Variants in AP3B1 observed in about 807,000 individuals in gnomAD.
AP3B1 encodes adaptor related protein complex 3 subunit beta 1, also known as AP-3 complex subunit beta-1.
In AP3B1, 61 loss-of-function variants were observed where a neutral mutation model predicts 132.5. The observed-to-expected ratio is 0.46, with a 90% CI of 0.37 to 0.57. The LOEUF (loss-of-function observed/expected upper bound fraction) is 0.57. Ranked by LOEUF, AP3B1 falls within the 20% of genes least tolerant of loss-of-function variation. AP3B1 has a pLI of 0.00. For synonymous variants in AP3B1, 388 were observed against 438.3 expected (o/e 0.89, Z 1.43); for missense variants, 1,120 against 1,289.4 (o/e 0.87, Z 2.01).
chr5:78,068,603 G>A (rs1749395018), intron 22 of AP3B1, among the ~76,000 whole-genome samples: 1 of 152,142 alleles, frequency 6.6e-6, no homozygotes, highest in African/African-American at 2.4e-5. Context: ...AATTGAGGCA[G>A]TAATAAATAG....
chr5:78,041,419 T>G (rs559137855), intron 22 of AP3B1, among the ~76,000 whole-genome samples: 1 of 151,808 alleles, frequency 6.6e-6, no homozygotes, highest in Admixed American at 6.6e-5. Flanking sequence ...ATTAGCTGGG[T>G]GTGGTGCATT....
At chr5:78,177,976 A>G (rs1744218493) in intron 8 of AP3B1, among the ~76,000 whole-genome samples, 1 of 152,160 alleles carries the variant, frequency 6.6e-6, no homozygotes, top group Non-Finnish European at 1.5e-5. Flanking sequence ...GTTTGTGGCA[A>G]TATGTATGGC....
At chr5:78,192,745 A>G (rs1050421987) in intron 7 of AP3B1, among the ~76,000 whole-genome samples, 6 of 152,202 alleles carry the variant, frequency 3.9e-5, no homozygotes, top group Non-Finnish European at 5.9e-5. Context: ...CGGAACTCTC[A>G]TAAATGGAAT....
At chr5:78,068,420 A>T (rs1459173207) in intron 22 of AP3B1, among the ~76,000 whole-genome samples, 1 of 152,094 alleles carries the variant, frequency 6.6e-6, no homozygotes, top group Non-Finnish European at 1.5e-5. Context: ...AATCAAATAG[A>T]TATAATAAAA....
At position 78,188,582 on chromosome 5, in the gene AP3B1, C is replaced by T. The variant is rs138127673; in HGVS notation, c.787-6920G>A. Among the ~76,000 whole-genome samples the T allele has an allele frequency of 8.3e-3, 1,262 of 152,092 alleles. 20 individuals carry two copies. The highest frequency in any genetic ancestry group is 0.027 in the African/African-American group (1,111 of 41,512). On this transcript the variant is annotated intron_variant, in intron 7 of 26. Coordinates refer to ENST00000255194, the MANE Select transcript of AP3B1 (RefSeq NM_003664.5). ...AATTATTAAACACTCAAAAAACAGA[C>T]GCTGGCCAGGCTGCGGAGAAATAGG...
chr5:78,104,518 C>G (rs1205869492), intron 20 of AP3B1, among the ~76,000 whole-genome samples: 1 of 152,014 alleles, frequency 6.6e-6, no homozygotes, highest in Non-Finnish European at 1.5e-5. Context: ...TGCATTATAA[C>G]AGTAAAACCC....
Position 78,216,041 on chromosome 5 carries a change from T to C in AP3B1, c.786+14A>G, listed in dbSNP as rs1228796206. ...CTTAGTATACTTGAAAGTGGAAGACTGTTCAACACTTACCTCTTTCCAAGG... is the reference window on the plus strand; with the variant it reads ...CTTAGTATACTTGAAAGTGGAAGACCGTTCAACACTTACCTCTTTCCAAGG... On this transcript the variant is annotated intron_variant, in intron 7 of 26. Transcript: ENST00000255194. 8 of 1,613,680 alleles carry C rather than the reference T, an allele frequency of 5.0e-6. No homozygotes were observed. Among genetic ancestry groups the C allele is most frequent in the Non-Finnish European group, 5.1e-6 (6 of 1,179,580 alleles).
intron 22 of AP3B1, among the ~76,000 whole-genome samples, chr5:78,081,337 T>C (rs1034245595): frequency 1.4e-5 from 2 of 146,114 alleles, no homozygotes; most frequent in African/African-American, 2.6e-5. Context: ...AGACGGAGTC[T>C]TGCTCTGTCG....
intron 22 of AP3B1, among the ~76,000 whole-genome samples, chr5:78,084,717 A>T (rs1031280643): frequency 2.0e-5 from 3 of 151,998 alleles, no homozygotes; most frequent in African/African-American, 7.2e-5. Context: ...GAAAATATTT[A>T]AAAATATGCA....
At chr5:78,210,125 A>G in intron 7 of AP3B1, among the ~76,000 whole-genome samples, 1 of 152,202 alleles carries the variant, frequency 6.6e-6, no homozygotes, top group East Asian at 1.9e-4. Context: ...GTATTCTACC[A>G]CAACTTCTCA....
chr5:78,142,281 T>C (rs1490439756), intron 14 of AP3B1, among the ~76,000 whole-genome samples: 1 of 152,276 alleles, frequency 6.6e-6, no homozygotes, highest in Non-Finnish European at 1.5e-5. Context: ...AAATTAGTTT[T>C]ATTACTATTT....
chr5:78,024,862 C>CTTT (rs35911405), intron 24 of AP3B1, among the ~76,000 whole-genome samples: 6 of 130,038 alleles, frequency 4.6e-5, no homozygotes, highest in African/African-American at 8.4e-5. Flanking sequence ...TGCGCCTGGC[C>CTTT]TTTTTTTTTT....
chr5:78,141,929 A>G (rs900419711), intron 14 of AP3B1, among the ~76,000 whole-genome samples: 9 of 152,188 alleles, frequency 5.9e-5, no homozygotes, highest in Non-Finnish European at 1.3e-4. Context: ...TGGTCCACAA[A>G]GCCCATTTGA....
intron 22 of AP3B1, among the ~76,000 whole-genome samples, chr5:78,066,413 C>T (rs1028034510): frequency 6.6e-6 from 1 of 152,114 alleles, no homozygotes; most frequent in African/African-American, 2.4e-5. Flanking sequence ...AAGCTAAGAA[C>T]CGTGATAAAA....
Position 78,071,723 on chromosome 5 carries a change from T to TA in AP3B1, c.2577+17669dup, listed in dbSNP as rs572421191. On this transcript the variant is annotated intron_variant, in intron 22 of 26. Transcript: ENST00000255194. ...CCTATTATGTATTAAGCACTGGGAATAAAAAAAGGTCCTGTTCTATCTTCC... is the reference window on the plus strand; with the variant it reads ...CCTATTATGTATTAAGCACTGGGAATAAAAAAAAGGTCCTGTTCTATCTTCC... Among the ~76,000 whole-genome samples, 264 of 152,154 alleles carry TA rather than the reference T, an allele frequency of 1.7e-3. 2 individuals carry two copies. Among genetic ancestry groups the TA allele is most frequent in the Non-Finnish European group, 2.9e-3 (200 of 67,988 alleles).
chr5:78,053,583 G>GT (rs1007078474), intron 22 of AP3B1, among the ~76,000 whole-genome samples: 1 of 149,296 alleles, frequency 6.7e-6, no homozygotes, highest in Non-Finnish European at 1.5e-5. Flanking sequence ...AGGAGGCTGA[G>GT]ACAGGAGAAT....
At chr5:78,202,012 T>C (rs1294388911) in intron 7 of AP3B1, among the ~76,000 whole-genome samples, 1 of 152,156 alleles carries the variant, frequency 6.6e-6, no homozygotes, top group East Asian at 1.9e-4. Context: ...ACTCCCACAA[T>C]TGCCATGTGT....
Position 78,002,350 on chromosome 5 carries a change from ATCT to A in AP3B1, c.*549_*551del, listed in dbSNP as rs1204179254. On this transcript the variant is annotated 3_prime_UTR_variant, in exon 27 of 27. Coordinates refer to ENST00000255194, the MANE Select transcript of AP3B1 (RefSeq NM_003664.5). ...ATATGATTCATATGCTAGTTTATTT[ATCT>A]TATTATTGAGAGATAATTTCATGAT... 3 of 364,192 alleles carry A rather than the reference ATCT, an allele frequency of 8.2e-6. No individual in the cohort carries two copies. In the East Asian group the frequency reaches 1.2e-4, roughly 15 times the overall value. The allele number at this position is 364,192 out of a possible 1,614,324, so 22.6% of individuals were successfully genotyped here.
At chr5:78,251,614 C>T (rs1014297256) in intron 2 of AP3B1, among the ~76,000 whole-genome samples, 1 of 152,202 alleles carries the variant, frequency 6.6e-6, no homozygotes, top group Non-Finnish European at 1.5e-5. Context: ...CCGAACTCAG[C>T]TGATGCCCAC....
Sources: allele counts gnomAD v4.1 joint callset (sites outside exome capture counted in the v4.1 genomes callset), GRCh38; gene constraint gnomAD v4.1.1; transcripts MANE v1.5; gene names NCBI Gene and HGNC (gene_info 2026-07-23, HGNC 2026-07-21).